QTMAN: variants seen among roughly 807,000 people sequenced by gnomAD.
QTMAN encodes the protein tRNA-queuosine alpha-mannosyltransferase.
the QTMAN span, among the ~76,000 whole-genome samples, chr2:144,157,970 G>A: frequency 6.6e-6 from 1 of 151,814 alleles, no homozygotes; most frequent in African/African-American, 2.4e-5. Context: ...TATTTCAAAT[G>A]TTGAAATATC....
At chr2:144,279,817 C>T in the QTMAN span, among the ~76,000 whole-genome samples, 1 of 152,064 alleles carries the variant, frequency 6.6e-6, no homozygotes, top group Non-Finnish European at 1.5e-5. Context: ...CCAAAATGTT[C>T]CCAGAGCAGG....
chr2:144,283,452 G>A, the QTMAN span, among the ~76,000 whole-genome samples: 46 of 152,200 alleles, frequency 3.0e-4, no homozygotes, highest in Non-Finnish European at 4.0e-4. Flanking sequence ...TATACACACG[G>A]CAAAAAAGGT....
chr2:144,112,628 AC>A, the QTMAN span, among the ~76,000 whole-genome samples: 1 of 152,184 alleles, frequency 6.6e-6, no homozygotes, highest in Non-Finnish European at 1.5e-5. Context: ...CCACGCCCTA[AC>A]CCTTCCAGCA....
chr2:144,215,297 C>T, the QTMAN span, among the ~76,000 whole-genome samples: 15,366 of 145,700 alleles, frequency 0.11, 1,053 homozygotes, highest in African/African-American at 0.19. Flanking sequence ...CACACACACA[C>T]ATATATATAT....
the QTMAN span, among the ~76,000 whole-genome samples, chr2:144,269,923 G>A: frequency 4.6e-5 from 7 of 151,146 alleles, no homozygotes; most frequent in East Asian, 1.9e-4. Context: ...CATTTGTAAC[G>A]CATTATAATA....
the QTMAN span, among the ~76,000 whole-genome samples, chr2:144,076,654 T>C: frequency 2.0e-5 from 3 of 152,168 alleles, no homozygotes; most frequent in Non-Finnish European, 4.4e-5. Flanking sequence ...TCACATTACT[T>C]TGGGGAAAAA....
chr2:144,038,241 G>A, the QTMAN span, among the ~76,000 whole-genome samples: 2 of 152,084 alleles, frequency 1.3e-5, no homozygotes, highest in Non-Finnish European at 2.9e-5. Context: ...CCTGTGTTGA[G>A]TGTCTTCATT....
At chr2:144,233,408 T>A in the QTMAN span, among the ~76,000 whole-genome samples, 2 of 152,082 alleles carry the variant, frequency 1.3e-5, no homozygotes, top group African/African-American at 2.4e-5. Context: ...CAGAAAAAAA[T>A]ATTTCTTTTC....
the QTMAN span, among the ~76,000 whole-genome samples, chr2:144,315,361 G>A: frequency 6.6e-6 from 1 of 152,284 alleles, no homozygotes; most frequent in South Asian, 2.1e-4. Flanking sequence ...AGTATCATAA[G>A]ATACAAGGAT....
the QTMAN span, among the ~76,000 whole-genome samples, chr2:144,307,362 C>T: frequency 3.9e-5 from 6 of 152,026 alleles, no homozygotes; most frequent in Non-Finnish European, 8.8e-5. Context: ...TAATATCACA[C>T]GTAACAGTGA....
At chr2:144,219,888 T>C in the QTMAN span, among the ~76,000 whole-genome samples, 13 of 152,190 alleles carry the variant, frequency 8.5e-5, no homozygotes, top group African/African-American at 2.9e-4. Context: ...ACTGCTCTCA[T>C]CTCCAACATT....
At chr2:144,010,728 A>G in the QTMAN span, among the ~76,000 whole-genome samples, 1 of 152,102 alleles carries the variant, frequency 6.6e-6, no homozygotes, top group Non-Finnish European at 1.5e-5. Context: ...CAATGGAAGA[A>G]TTGATTTATG....
the QTMAN span, among the ~76,000 whole-genome samples, chr2:143,981,104 AC>A: frequency 2.0e-5 from 3 of 152,304 alleles, no homozygotes; most frequent in Non-Finnish European, 4.4e-5. Context: ...ACATTCATAT[AC>A]TACTGATGAT....
At chr2:144,004,334 A>G in the QTMAN span, among the ~76,000 whole-genome samples, 2 of 152,056 alleles carry the variant, frequency 1.3e-5, no homozygotes, top group Admixed American at 1.3e-4. Flanking sequence ...TTGACTGGTC[A>G]ATTATACGAT....
At chr2:144,009,447 A>G in the QTMAN span, among the ~76,000 whole-genome samples, 1 of 152,090 alleles carries the variant, frequency 6.6e-6, no homozygotes. Context: ...AGCTAGAAAC[A>G]AGGTCTTTGG....
At chr2:144,212,989 T>A in the QTMAN span, among the ~76,000 whole-genome samples, 1 of 152,160 alleles carries the variant, frequency 6.6e-6, no homozygotes, top group Non-Finnish European at 1.5e-5. Context: ...TATTTAAAAA[T>A]TGTCTACCTT....
chr2:144,083,291 A>G, the QTMAN span, among the ~76,000 whole-genome samples: 1 of 152,182 alleles, frequency 6.6e-6, no homozygotes, highest in Non-Finnish European at 1.5e-5. Flanking sequence ...GTAAAAAAGT[A>G]TTCTGGCTAA....
At chr2:144,253,798 C>G in the QTMAN span, among the ~76,000 whole-genome samples, 1 of 151,910 alleles carries the variant, frequency 6.6e-6, no homozygotes, top group African/African-American at 2.4e-5. Context: ...AAATTCAAAC[C>G]AGCTGCAGAA....
the QTMAN span, among the ~76,000 whole-genome samples, chr2:144,179,285 GA>G: frequency 1.3e-5 from 2 of 152,248 alleles, no homozygotes; most frequent in Non-Finnish European, 2.9e-5. Context: ...GCCTAACACT[GA>G]AAAGTGGCCA....
Sources: gnomAD v4.1 joint callset for allele counts (sites outside exome capture counted in the v4.1 genomes callset) on GRCh38, gnomAD v4.1.1 for gene constraint, MANE v1.5 for transcripts, NCBI Gene and HGNC (gene_info 2026-07-23, HGNC 2026-07-21) for gene names.